Variants in CDK14 observed in about 807,000 individuals in gnomAD.
CDK14 encodes the protein cyclin-dependent kinase 14.
Under a neutral mutation model 60.7 loss-of-function variants are expected in CDK14, and 34 were observed. The ratio of observed to expected loss-of-function variants is 0.56; its 90% CI spans 0.43 to 0.75. The LOEUF (loss-of-function observed/expected upper bound fraction) is 0.75. CDK14 is among the 30% of genes least tolerant of loss of function. The pLI, the probability that CDK14 is intolerant of heterozygous loss-of-function variation, is 0.00. For synonymous variants in CDK14, 197 were observed against 203.7 expected (o/e 0.97, Z 0.28); for missense variants, 482 against 564.1 (o/e 0.85, Z 1.47).
intron 2 of CDK14, among the ~76,000 whole-genome samples, chr7:90,615,714 G>T (rs1799637445): frequency 6.6e-6 from 1 of 152,136 alleles, no homozygotes. Flanking sequence ...TAACTTAGTT[G>T]TCTTGGAGTA....
intron 5 of CDK14, among the ~76,000 whole-genome samples, chr7:90,823,304 A>C (rs1290973437): frequency 2.6e-5 from 4 of 152,234 alleles, no homozygotes; most frequent in Non-Finnish European, 5.9e-5. Flanking sequence ...CTTCAGAAAT[A>C]AAGAATAGTT....
chr7:91,094,061 T>C (rs2116285504), intron 12 of CDK14, among the ~76,000 whole-genome samples: 1 of 152,262 alleles, frequency 6.6e-6, no homozygotes, highest in East Asian at 1.9e-4. Flanking sequence ...AACAAGCACC[T>C]GTTGGTTACT....
chr7:90,994,326 T>C (rs1235045611), intron 10 of CDK14, among the ~76,000 whole-genome samples: 2 of 152,270 alleles, frequency 1.3e-5, no homozygotes, highest in East Asian at 3.9e-4. Context: ...CCTTATATCA[T>C]GGTGGTTGGG....
At chr7:90,610,984 C>A (rs918565399) in intron 2 of CDK14, among the ~76,000 whole-genome samples, 3 of 152,120 alleles carry the variant, frequency 2.0e-5, no homozygotes, top group African/African-American at 7.2e-5. Context: ...CCTGCCCATT[C>A]ATGTACCCTC....
intron 9 of CDK14, among the ~76,000 whole-genome samples, chr7:90,963,098 T>TGTGTGC (rs1281967649): frequency 6.6e-6 from 1 of 150,740 alleles, no homozygotes; most frequent in East Asian, 2.0e-4. Flanking sequence ...TGTGTGTGTG[T>TGTGTGC]GTGTGTGTGT....
chr7:90,750,664 G>A (rs1354027619), intron 4 of CDK14, among the ~76,000 whole-genome samples: 1 of 152,156 alleles, frequency 6.6e-6, no homozygotes, highest in Non-Finnish European at 1.5e-5. Flanking sequence ...TCTGAGGTCA[G>A]GAGTTTGAAA....
intron 5 of CDK14, among the ~76,000 whole-genome samples, chr7:90,825,110 G>T (rs1296163215): frequency 2.0e-5 from 3 of 152,158 alleles, no homozygotes; most frequent in Non-Finnish European, 4.4e-5. Flanking sequence ...AATCACTTGA[G>T]ACCTATTCAT....
At chr7:90,724,291 G>A (rs1443390419) in intron 2 of CDK14, among the ~76,000 whole-genome samples, 1 of 151,532 alleles carries the variant, frequency 6.6e-6, no homozygotes, top group Non-Finnish European at 1.5e-5. Context: ...TAGTAATATT[G>A]GCGATGTATA....
chr7:90,923,342 C>T (rs1793310849), intron 8 of CDK14, among the ~76,000 whole-genome samples: 1 of 152,088 alleles, frequency 6.6e-6, no homozygotes, highest in African/African-American at 2.4e-5. Context: ...ATCTCCTGAC[C>T]TCGTGATCTG....
intron 2 of CDK14, among the ~76,000 whole-genome samples, chr7:90,653,567 G>A (rs1028351296): frequency 6.6e-6 from 1 of 151,874 alleles, no homozygotes; most frequent in African/African-American, 2.4e-5. Context: ...GACTTTAAAA[G>A]TTGTCCCTTG....
At chr7:91,075,858 C>T (rs1798291295) in intron 11 of CDK14, among the ~76,000 whole-genome samples, 1 of 152,106 alleles carries the variant, frequency 6.6e-6, no homozygotes, top group Non-Finnish European at 1.5e-5. Flanking sequence ...TGAATGAACT[C>T]TTATTCACAA....
chr7:91,158,171 C>T (rs1326079644), intron 14 of CDK14, among the ~76,000 whole-genome samples: 1 of 147,442 alleles, frequency 6.8e-6, no homozygotes, highest in Non-Finnish European at 1.5e-5. Flanking sequence ...ATATATTATA[C>T]ATTAAATATA....
rs1407086103 is a variant in CDK14, at chr7:90,879,572, A to G, written c.639+16303A>G. Among the ~76,000 whole-genome samples, 4 of 152,062 alleles carry G rather than the reference A, an allele frequency of 2.6e-5. No individual in the cohort carries two copies. In the East Asian group the frequency reaches 7.7e-4, roughly 29 times the overall value. On this transcript the variant is annotated intron_variant, in intron 6 of 14. Transcript: ENST00000380050. ...AAGTTCTCTCATCAAAATTGATGTGAAGGTTTGTCAAAGATCAGATAGTTG... is the reference window on the plus strand; with the variant it reads ...AAGTTCTCTCATCAAAATTGATGTGGAGGTTTGTCAAAGATCAGATAGTTG...
chr7:90,955,629 G>T (rs73227071), intron 8 of CDK14, 68 bp from the exon 9 acceptor site: 2 of 1,578,750 alleles, frequency 1.3e-6, no homozygotes, highest in Non-Finnish European at 1.7e-6. Flanking sequence ...GAATGTGAAC[G>T]TTCAAATTTA....
At chr7:90,792,604 A>AT (rs1245838327) in intron 5 of CDK14, among the ~76,000 whole-genome samples, 1 of 152,038 alleles carries the variant, frequency 6.6e-6, no homozygotes. Context: ...AGCCCTGTTG[A>AT]TTACCTCTCT....
chr7:90,692,016 T>C (rs370159331), intron 2 of CDK14, among the ~76,000 whole-genome samples: 47 of 152,296 alleles, frequency 3.1e-4, no homozygotes, highest in African/African-American at 1.0e-3. Context: ...GTGCATTTTC[T>C]ACATACATAA....
intron 6 of CDK14, among the ~76,000 whole-genome samples, chr7:90,897,154 GT>G (rs779251418): frequency 1.3e-5 from 2 of 151,950 alleles, no homozygotes; most frequent in Non-Finnish European, 2.9e-5. Flanking sequence ...TTGAATACAT[GT>G]TTCTTGAATT....
chr7:90,785,867 G>A (rs1375279804), intron 4 of CDK14, among the ~76,000 whole-genome samples: 1 of 151,936 alleles, frequency 6.6e-6, no homozygotes, highest in African/African-American at 2.4e-5. Context: ...CAAATTTAGG[G>A]CACACAGATG....
intron 2 of CDK14, among the ~76,000 whole-genome samples, chr7:90,661,406 A>G (rs1227078930): frequency 1.3e-5 from 2 of 152,194 alleles, no homozygotes; most frequent in Admixed American, 1.3e-4. Context: ...ATAGCCACAC[A>G]TGGAGGTCCT....
Sources: gnomAD v4.1 joint callset for allele counts (sites outside exome capture counted in the v4.1 genomes callset) on GRCh38, gnomAD v4.1.1 for gene constraint, MANE v1.5 for transcripts, NCBI Gene and HGNC (gene_info 2026-07-23, HGNC 2026-07-21) for gene names.